The following EPHA5 variants were observed in gnomAD, a reference collection of about 807,000 sequenced individuals.
EPHA5 encodes the protein ephrin type-A receptor 5.
In EPHA5, 60 loss-of-function variants were observed where a neutral mutation model predicts 105.0. The observed-to-expected ratio is 0.57, with a 90% CI of 0.46 to 0.71. The LOEUF is 0.71. Among genes scored for constraint, EPHA5 ranks in the 30% least tolerant of loss-of-function variants. The pLI is 0.00. For missense variants in EPHA5, 1,218 were observed against 1,274.7 expected, an observed-to-expected ratio of 0.96 and a Z score of 0.68; for synonymous variants, 513 against 449.1, an observed-to-expected ratio of 1.14 and a Z score of -1.80.
At chr4:65,627,376 A>G (rs1746245116) in intron 2 of EPHA5, among the ~76,000 whole-genome samples, 1 of 152,190 alleles carries the variant, frequency 6.6e-6, no homozygotes, top group South Asian at 2.1e-4. Context: ...AAGTAGAGAA[A>G]TCTGTTTAAT....
chr4:65,527,858 G>A (rs944753152), intron 3 of EPHA5, among the ~76,000 whole-genome samples: 1 of 151,856 alleles, frequency 6.6e-6, no homozygotes, highest in Non-Finnish European at 1.5e-5. Flanking sequence ...TCCACTCTCC[G>A]AAAGGCCCCA....
chr4:65,376,501 A>G (rs1253942994), intron 8 of EPHA5, among the ~76,000 whole-genome samples: 2 of 152,160 alleles, frequency 1.3e-5, no homozygotes, highest in East Asian at 3.9e-4. Context: ...TTCAAGCTTA[A>G]TGAAATTAGG....
chr4:65,593,053 A>G (rs1742829945), intron 3 of EPHA5, among the ~76,000 whole-genome samples: 1 of 152,162 alleles, frequency 6.6e-6, no homozygotes, highest in Non-Finnish European at 1.5e-5. Context: ...ATGCACCTCT[A>G]CTTTTTTCTC....
At chr4:65,452,378 A>C (rs899340020) in intron 5 of EPHA5, among the ~76,000 whole-genome samples, 1 of 152,138 alleles carries the variant, frequency 6.6e-6, no homozygotes, top group Non-Finnish European at 1.5e-5. Context: ...TTCCTAACAC[A>C]ATTGAGAAGG....
At chr4:65,634,846 A>C (rs1242309458) in intron 2 of EPHA5, among the ~76,000 whole-genome samples, 1 of 152,022 alleles carries the variant, frequency 6.6e-6, no homozygotes, top group Non-Finnish European at 1.5e-5. Context: ...TTTCAGTAGG[A>C]AGCAAAGCCA....
chr4:65,436,291 A>C (rs1207365180), intron 5 of EPHA5, among the ~76,000 whole-genome samples: 3 of 151,970 alleles, frequency 2.0e-5, no homozygotes, highest in Admixed American at 2.0e-4. Context: ...ACTTTGGAGA[A>C]ATGTTTCTAT....
At chr4:65,614,590 C>T (rs893546048) in intron 2 of EPHA5, among the ~76,000 whole-genome samples, 15 of 151,780 alleles carry the variant, frequency 9.9e-5, no homozygotes, top group African/African-American at 3.6e-4. Context: ...ATATCACAAG[C>T]TCTTAATAAT....
At chr4:65,533,438 GAC>G (rs1424994542) in intron 3 of EPHA5, among the ~76,000 whole-genome samples, 1 of 152,016 alleles carries the variant, frequency 6.6e-6, no homozygotes, top group Non-Finnish European at 1.5e-5. Context: ...GGTTTAAAGT[GAC>G]ACACAAAAAT....
intron 5 of EPHA5, among the ~76,000 whole-genome samples, chr4:65,450,254 G>T (rs67358797): frequency 0.24 from 37,005 of 152,046 alleles, 5,276 homozygotes; most frequent in Middle Eastern, 0.39. Context: ...TATAGAAATT[G>T]TTATATCTCA....
At chr4:65,343,853 A>C (rs1721964068) in intron 14 of EPHA5, among the ~76,000 whole-genome samples, 2 of 80,980 alleles carry the variant, frequency 2.5e-5, no homozygotes, top group East Asian at 2.8e-4. Context: ...CCAAAATATT[A>C]GTGTTTTTTT....
chr4:65,619,958 C>G (rs1745566798), intron 2 of EPHA5, among the ~76,000 whole-genome samples: 4 of 150,542 alleles, frequency 2.7e-5, no homozygotes. Flanking sequence ...CTTTTTTCAT[C>G]CCTATGCTCA....
chr4:65,657,898 CAAAAAAA>C (rs58539913), intron 1 of EPHA5, among the ~76,000 whole-genome samples: 46 of 117,426 alleles, frequency 3.9e-4, no homozygotes, highest in African/African-American at 4.5e-4. Context: ...TTGGTATATG[CAAAAAAA>C]AAAAAAAAAA....
intron 3 of EPHA5, chr4:65,573,540 A>C (rs1740455470): frequency 1.9e-6 from 3 of 1,597,430 alleles, no homozygotes; most frequent in Non-Finnish European, 2.5e-6. Context: ...TGGCAAGGTG[A>C]AAAAGGGTAA....
In EPHA5 at chr4:65,320,324, T is replaced by TTCA. The variant is rs141281063; in HGVS notation, c.*3787_*3789dup. On this transcript the variant is annotated 3_prime_UTR_variant, in exon 17 of 17. Transcript: ENST00000613740. ...GCTAGCATTTTGATTCCATTTATTCTTCATCATCATCATCATCATCATCAT... is the reference window on the plus strand; with the variant it reads ...GCTAGCATTTTGATTCCATTTATTCTTCATCATCATCATCATCATCATCATCAT... 0.081 allele frequency: 18,493 copies of TTCA among 227,998 alleles called. 819 individuals are homozygous for TTCA. Among genetic ancestry groups the TTCA allele is most frequent in the Non-Finnish European group, 0.11 (12,163 of 114,888 alleles). 14.1% of individuals were successfully genotyped at this position (227,998 alleles called of 1,614,324 possible).
intron 3 of EPHA5, among the ~76,000 whole-genome samples, chr4:65,558,157 G>A (rs994895160): frequency 2.0e-5 from 3 of 152,110 alleles, no homozygotes; most frequent in African/African-American, 2.4e-5. Context: ...GATTACAGGT[G>A]TGAGGCACCA....
chr4:65,444,805 T>C (rs1373241859), intron 5 of EPHA5, among the ~76,000 whole-genome samples: 1 of 152,122 alleles, frequency 6.6e-6, no homozygotes, highest in Non-Finnish European at 1.5e-5. Context: ...TGCCTTTTGC[T>C]TGGTTGCTTT....
chr4:65,462,781 G>A (rs1024911885), intron 5 of EPHA5, among the ~76,000 whole-genome samples: 1 of 152,112 alleles, frequency 6.6e-6, no homozygotes, highest in African/African-American at 2.4e-5. Context: ...AAAGTGACAA[G>A]GCCAGCCCAA....
At chr4:65,609,035 T>C (rs1196951365) in intron 2 of EPHA5, among the ~76,000 whole-genome samples, 3 of 152,198 alleles carry the variant, frequency 2.0e-5, no homozygotes, top group Non-Finnish European at 2.9e-5. Flanking sequence ...GCTTCCATCC[T>C]CCTTGTTCAC....
chr4:65,622,043 A>G (rs1172810539), intron 2 of EPHA5, among the ~76,000 whole-genome samples: 1 of 152,122 alleles, frequency 6.6e-6, no homozygotes, highest in Non-Finnish European at 1.5e-5. Context: ...GTATGATTAA[A>G]ACTTCGAAGA....
Sources: gnomAD v4.1 joint callset for allele counts (sites outside exome capture counted in the v4.1 genomes callset) on GRCh38, gnomAD v4.1.1 for gene constraint, MANE v1.5 for transcripts, NCBI Gene and HGNC (gene_info 2026-07-23, HGNC 2026-07-21) for gene names.